FZD5: variants seen among roughly 807,000 people sequenced by gnomAD.
The protein encoded by FZD5 is frizzled class receptor 5, also known as frizzled-5.
Under a neutral mutation model 40.8 loss-of-function variants are expected in FZD5, and 12 were observed. The observed-to-expected ratio is 0.29, with a 90% CI of 0.19 to 0.48. FZD5 has a LOEUF of 0.48. Ranked by LOEUF, FZD5 falls within the 20% of genes least tolerant of loss-of-function variation. FZD5 has a pLI of 0.99. For synonymous variants in FZD5, 380 were observed against 383.7 expected (o/e 0.99, Z 0.11); for missense variants, 622 against 832.8 (o/e 0.75, Z 3.12).
In FZD5 at chr2:207,765,361, C is replaced by G. The variant is rs2091974070; in HGVS notation, c.*1621G>C. 6.6e-6 allele frequency: 1 copy of G among 152,200 alleles called. No homozygotes were observed. Among genetic ancestry groups the G allele is most frequent in the South Asian group, 2.1e-4 (1 of 4,832 alleles). 9.4% of individuals were successfully genotyped at this position (152,200 alleles called of 1,614,324 possible). A position where few individuals can be genotyped will look rare whatever the true frequency, so the allele number is the denominator to read the frequency against. On this transcript the variant is annotated 3_prime_UTR_variant, in exon 2 of 2. Coordinates refer to ENST00000295417, the MANE Select transcript of FZD5 (RefSeq NM_003468.4). ...TTTGCTGGCTGAGGCACTGTCACCC[C>G]CCTTCCCCAGTAATGGCCCCACACT...
In FZD5 at chr2:207,768,832, T is replaced by C; in HGVS notation, c.-93A>G. On this transcript the variant is annotated 5_prime_UTR_variant, in exon 2 of 2. Transcript: ENST00000295417. Reference sequence around the variant, plus strand: ...GGGCTTCTCCCTCCGGCGTCTCGTGTGTGGCGCCGGGGCTGGCAACCTGTT... The same window carrying C: ...GGGCTTCTCCCTCCGGCGTCTCGTGCGTGGCGCCGGGGCTGGCAACCTGTT... The C allele has an allele frequency of 1.9e-6, 2 of 1,065,114 alleles. No homozygotes were observed. Among genetic ancestry groups the C allele is most frequent in the Non-Finnish European group, 2.7e-6 (2 of 751,776 alleles). 66.0% of individuals were successfully genotyped at this position (1,065,114 alleles called of 1,614,324 possible). A position where few individuals can be genotyped will look rare whatever the true frequency, so the allele number is the denominator to read the frequency against.
chr2:207,768,146 G>A lies in FZD5; in HGVS notation c.594C>T (p.Pro198=), dbSNP rs2091990243. 1 of 1,610,564 alleles carries A rather than the reference G, an allele frequency of 6.2e-7. No individual in the cohort carries two copies. The highest frequency in any genetic ancestry group is 1.3e-5 in the African/African-American group (1 of 74,928). ...FVCKCREPFV[P]ILKESHPLYN... is the part of the protein sequence containing the mutation. ...AGAGCGGGTGTGACTCCTTCAGAAT[G>A]GGCACGAAGGGCTCGCGACACTTGC... The change falls in exon 2 of 2, where the codon CCC becomes CCT. Residue 198 remains proline, a synonymous_variant. Coordinates refer to ENST00000295417, the MANE Select transcript of FZD5 (RefSeq NM_003468.4).
Position 207,768,213 on chromosome 2 carries a change from G to A in FZD5, c.527C>T (p.Pro176Leu), listed in dbSNP as rs1450691257. The A allele has an allele frequency of 3.2e-6, 5 of 1,573,768 alleles. No homozygotes were observed. Among genetic ancestry groups the A allele is most frequent in the Admixed American group, 1.8e-5 (1 of 55,524 alleles). ...KPTLPGPPGA[P>L]ASGGECPAGG... Reference sequence around the variant, plus strand: ...AGCGGGGCATTCGCCCCCCGAGGCCGGCGCCCCTGGCGGGCCTGGAAGGGT... The same window carrying A: ...AGCGGGGCATTCGCCCCCCGAGGCCAGCGCCCCTGGCGGGCCTGGAAGGGT... Residue 176 changes from proline (P) to leucine (L), a missense_variant, in exon 2 of 2, where the codon CCG becomes CTG. Around this residue, in one of 4 missense-constraint regions of FZD5, gnomAD observed 116 missense variants for 117.7 expected, o/e 0.99. Transcript: ENST00000295417.
At position 207,767,068 on chromosome 2, in the gene FZD5, C is replaced by G. The variant is rs1281191669; in HGVS notation, c.1672G>C (p.Glu558Gln). 6.3e-7 allele frequency: 1 copy of G among 1,580,326 alleles called. No homozygotes were observed. Among genetic ancestry groups the G allele is most frequent in the East Asian group, 2.3e-5 (1 of 44,392 alleles). Residue 558 changes from glutamate (E) to glutamine (Q), a missense_variant, in exon 2 of 2, where the codon GAG (glutamate) becomes CAG (glutamine). This residue lies in a region of FZD5 where 154 missense variants were observed against 152.1 expected (regional missense o/e 1.01). Transcript: ENST00000295417. The part of the protein sequence containing the change: ...GGAMAAGDYP[E>Q]ASAALTGRTG... ...CTGCCTGTGAGCGCGGCGCTCGCCTCGGGGTAGTCCCCTGCGGCCATGGCG... is the reference window on the plus strand; with the variant it reads ...CTGCCTGTGAGCGCGGCGCTCGCCTGGGGGTAGTCCCCTGCGGCCATGGCG...
At position 207,767,852 on chromosome 2, in the gene FZD5, C is replaced by T. The variant is rs1226831547; in HGVS notation, c.888G>A (p.Val296=). 5.6e-6 allele frequency: 9 copies of T among 1,600,186 alleles called. No individual in the cohort carries two copies. The highest frequency in any genetic ancestry group is 6.8e-6 in the Non-Finnish European group (8 of 1,173,652). ...LVRLVVGHAS[V]ACSREHNHIH... is the part of the protein sequence containing the mutation. ...TGTGGTTGTGCTCGCGGCTGCAGGC[C>T]ACGCTGGCATGGCCCACGACCAGAC... is the stretch of plus-strand genomic sequence containing the variant. Residue 296 remains valine, a synonymous_variant, in exon 2 of 2, where the codon GTG becomes GTA. Coordinates refer to ENST00000295417, the MANE Select transcript of FZD5 (RefSeq NM_003468.4).
chr2:207,765,922 G>A lies in FZD5; in HGVS notation c.*1060C>T, dbSNP rs932615862. The stretch of plus-strand genomic sequence containing the variant: ...GGGGAGGGGGGAGGGGGGAGGGGGT[G>A]GAGCAAATAAGTGTTGGAAATTTAC... On this transcript the variant is annotated 3_prime_UTR_variant, in exon 2 of 2. Coordinates refer to ENST00000295417, the MANE Select transcript of FZD5 (RefSeq NM_003468.4). 6.6e-6 allele frequency: 1 copy of A among 151,500 alleles called. No homozygotes were observed. The highest frequency in any genetic ancestry group is 1.5e-5 in the Non-Finnish European group (1 of 67,908). The allele number at this position is 151,500 out of a possible 1,614,324, so 9.4% of individuals were successfully genotyped here.
At position 207,765,913 on chromosome 2, in the gene FZD5, G is replaced by T. The variant is rs698910; in HGVS notation, c.*1069C>A. ...ATGATAAAGGGGGAGGGGGGAGGGGGGAGGGGGTGGAGCAAATAAGTGTTG... is the reference window on the plus strand; with the variant it reads ...ATGATAAAGGGGGAGGGGGGAGGGGTGAGGGGGTGGAGCAAATAAGTGTTG... On this transcript the variant is annotated 3_prime_UTR_variant, in exon 2 of 2. Coordinates refer to ENST00000295417, the MANE Select transcript of FZD5 (RefSeq NM_003468.4). 0.76 allele frequency: 113,105 copies of T among 149,808 alleles called. 44,912 individuals are homozygous for T. The highest frequency in any genetic ancestry group is 0.88 in the Non-Finnish European group (59,445 of 67,442). The allele number at this position is 149,808 out of a possible 1,614,324, so 9.3% of individuals were successfully genotyped here.
In FZD5 at chr2:207,766,987, C is replaced by G; in HGVS notation, c.1753G>C (p.Val585Leu). 6.8e-7 allele frequency: 1 copy of G among 1,471,982 alleles called. No homozygotes were observed. Among genetic ancestry groups the G allele is most frequent in the Non-Finnish European group, 8.9e-7 (1 of 1,119,876 alleles). The allele number at this position is 1,471,982 out of a possible 1,614,324, so 91.2% of individuals were successfully genotyped here. ...TYHKQVSLSHV is the reference protein window; with the variant it reads ...TYHKQVSLSHL Reference sequence around the variant, plus strand: ...AGTCCCTCGGCGGCAGCCTCCTACACGTGCGACAGGGACACCTGCTTGTGG... The same window carrying G: ...AGTCCCTCGGCGGCAGCCTCCTACAGGTGCGACAGGGACACCTGCTTGTGG... Residue 585 changes from valine to leucine, a missense_variant, in exon 2 of 2, where the codon GTG becomes CTG. This residue lies in a region of FZD5 where 154 missense variants were observed against 152.1 expected (regional missense o/e 1.01). Coordinates refer to ENST00000295417, the MANE Select transcript of FZD5 (RefSeq NM_003468.4).
Position 207,769,823 on chromosome 2 carries a change from A to T in FZD5, c.-814T>A, listed in dbSNP as rs1007692558. On this transcript the variant is annotated 5_prime_UTR_variant, in exon 1 of 2. Transcript: ENST00000295417. ...CTCGGCTCCTCCCCCGCGCTCTCGCACCCTTTCGCCCACCTCTGGCGAGCA... is the reference window on the plus strand; with the variant it reads ...CTCGGCTCCTCCCCCGCGCTCTCGCTCCCTTTCGCCCACCTCTGGCGAGCA... Among the ~76,000 whole-genome samples, 5 of 151,810 alleles carry T rather than the reference A, an allele frequency of 3.3e-5. No individual in the cohort carries two copies. The highest frequency in any genetic ancestry group is 3.3e-4 in the Admixed American group (5 of 15,250).
At position 207,767,034 on chromosome 2, in the gene FZD5, G is replaced by T. The variant is rs749535241; in HGVS notation, c.1706C>A (p.Pro569Gln). 6.8e-7 allele frequency: 1 copy of T among 1,478,592 alleles called. No individual in the cohort carries two copies. Among genetic ancestry groups the T allele is most frequent in the East Asian group, 2.6e-5 (1 of 38,814 alleles). The allele number at this position is 1,478,592 out of a possible 1,614,324, so 91.6% of individuals were successfully genotyped here. Residue 569 changes from proline to glutamine, a missense_variant, in exon 2 of 2, where the codon CCG (proline) becomes CAG (glutamine). Pro to Gln is a moderately conservative substitution (Grantham distance 76). This residue lies in a region of FZD5 where 154 missense variants were observed against 152.1 expected (regional missense o/e 1.01). Coordinates refer to ENST00000295417, the MANE Select transcript of FZD5 (RefSeq NM_003468.4). Reference protein sequence around the residue: ...ASAALTGRTGPPGPAATYHKQ... With the variant: ...ASAALTGRTGQPGPAATYHKQ... ...GTGGTAGGTGGCGGCGGGGCCCGGC[G>T]GCCCGGTCCTGCCTGTGAGCGCGGC...
chr2:207,767,241 T>C lies in FZD5; in HGVS notation c.1499A>G (p.Tyr500Cys). The change falls in exon 2 of 2, where the codon TAC (tyrosine) becomes TGC (cysteine). Residue 500 changes from tyrosine (Y) to cysteine (C), a missense_variant. By Grantham distance (194) the Tyr-to-Cys change is radical. This residue lies in a region of FZD5 where 154 missense variants were observed against 152.1 expected (regional missense o/e 1.01). Transcript: ENST00000295417. ...GAAGTACTTGAGCATGAGCACCCAG[T>C]ACTCGGGCTTGGCGCGCGGCTGGCC... is the stretch of plus-strand genomic sequence containing the variant. ...DTGQPRAKPE[Y>C]WVLMLKYFMC... The C allele has an allele frequency of 2.5e-6, 4 of 1,610,492 alleles. No homozygotes were observed. Among genetic ancestry groups the C allele is most frequent in the Non-Finnish European group, 3.4e-6 (4 of 1,178,848 alleles).
At position 207,768,998 on chromosome 2, in the gene FZD5, TAAA is replaced by T; in HGVS notation, c.-255-7_-255-5del. ...CTCGGATTCCAGGGAAAGGACTCTT[TAAA>T]AAAGAAGGGGGAGAAGAAAGATTGC... On this transcript the variant is annotated splice_polypyrimidine_tract_variant and splice_region_variant and intron_variant, in intron 1 of 1. Coordinates refer to ENST00000295417, the MANE Select transcript of FZD5 (RefSeq NM_003468.4). The T allele has an allele frequency of 1.9e-6, 1 of 523,332 alleles. No homozygotes were observed. Among genetic ancestry groups the T allele is most frequent in the Middle Eastern group, 5.1e-4 (1 of 1,948 alleles). 32.4% of individuals were successfully genotyped at this position (523,332 alleles called of 1,614,324 possible). A position where few individuals can be genotyped will look rare whatever the true frequency, so the allele number is the denominator to read the frequency against.
chr2:207,768,902 T>G lies in FZD5; in HGVS notation c.-163A>C. 1.6e-6 allele frequency: 1 copy of G among 627,778 alleles called. No homozygotes were observed. The highest frequency in any genetic ancestry group is 2.9e-5 in the East Asian group (1 of 34,008). 38.9% of individuals were successfully genotyped at this position (627,778 alleles called of 1,614,324 possible). On this transcript the variant is annotated 5_prime_UTR_variant, in exon 2 of 2. Transcript: ENST00000295417. ...GAAAACCGTCCAAAGATAAACTGCTTCGGGAAGGCGCTGCCTCCGCTGGCA... is the reference window on the plus strand; with the variant it reads ...GAAAACCGTCCAAAGATAAACTGCTGCGGGAAGGCGCTGCCTCCGCTGGCA...
rs1183889068 is a variant in FZD5 at position 207,769,885 on chromosome 2, G to C, written c.-876C>G. Among the ~76,000 whole-genome samples the C allele has an allele frequency of 1.3e-5, 2 of 152,108 alleles. No individual in the cohort carries two copies. Among genetic ancestry groups the C allele is most frequent in the Non-Finnish European group, 2.9e-5 (2 of 67,956 alleles). The stretch of plus-strand genomic sequence containing the variant: ...GCGGCGGCGACCACAGCGGACTCAC[G>C]GCCGCAGGCTGGCTGCCCTCTCCCG... On this transcript the variant is annotated 5_prime_UTR_variant, in exon 1 of 2. Coordinates refer to ENST00000295417, the MANE Select transcript of FZD5 (RefSeq NM_003468.4).
Position 207,768,779 on chromosome 2 carries a change from A to T in FZD5, c.-40T>A. On this transcript the variant is annotated 5_prime_UTR_variant, in exon 2 of 2. Coordinates refer to ENST00000295417, the MANE Select transcript of FZD5 (RefSeq NM_003468.4). Reference sequence around the variant, plus strand: ...CCTCGCCTCCAGCAGCCCGCGAGGGACGCACACAGGCAGAGGAATCCGGGC... The same window carrying T: ...CCTCGCCTCCAGCAGCCCGCGAGGGTCGCACACAGGCAGAGGAATCCGGGC... 1 of 1,454,548 alleles carries T rather than the reference A, an allele frequency of 6.9e-7. No individual in the cohort carries two copies. The highest frequency in any genetic ancestry group is 1.4e-5 in the South Asian group (1 of 73,962). 90.1% of individuals were successfully genotyped at this position (1,454,548 alleles called of 1,614,324 possible). A position where few individuals can be genotyped will look rare whatever the true frequency, so the allele number is the denominator to read the frequency against.
chr2:207,768,726 T>G lies in FZD5; in HGVS notation c.14A>C (p.Asp5Ala), dbSNP rs1204255547. Residue 5 changes from aspartate (D) to alanine (A), a missense_variant, in exon 2 of 2, where the codon GAC becomes GCC. Transcript: ENST00000295417. MARP[D>A]PSAPPSLLLL... ...CAACAGCGAGGGCGGCGCGGATGGG[T>G]CAGGCCGAGCCATCGCCCCCTCCCT... 7 of 1,578,498 alleles carry G rather than the reference T, an allele frequency of 4.4e-6. No homozygotes were observed. In the South Asian group the frequency reaches 6.9e-5, roughly 16 times the overall value.
At position 207,767,420 on chromosome 2, in the gene FZD5, C is replaced by G. The variant is rs2091985471; in HGVS notation, c.1320G>C (p.Thr440=). 1 of 1,612,706 alleles carries G rather than the reference C, an allele frequency of 6.2e-7. No homozygotes were observed. Among genetic ancestry groups the G allele is most frequent in the Non-Finnish European group, 8.5e-7 (1 of 1,179,958 alleles). ...GGATCATGAGCTTCTCCAGCTTGTC[C>G]GTCTTGGTGCCGCCCTGCTTGATGA... The part of the protein sequence containing the change: ...RSVIKQGGTK[T]DKLEKLMIRI... The change falls in exon 2 of 2, where the codon ACG becomes ACC. Residue 440 remains threonine (T), a synonymous_variant. Transcript: ENST00000295417.
In FZD5 at chr2:207,765,509, A is replaced by T. The variant is rs1380545998; in HGVS notation, c.*1473T>A. 6.6e-6 allele frequency: 1 copy of T among 152,286 alleles called. No homozygotes were observed. Among genetic ancestry groups the T allele is most frequent in the Non-Finnish European group, 1.5e-5 (1 of 68,048 alleles). The allele number at this position is 152,286 out of a possible 1,614,324, so 9.4% of individuals were successfully genotyped here. On this transcript the variant is annotated 3_prime_UTR_variant, in exon 2 of 2. Transcript: ENST00000295417. ...AATGAATGAAGGAATAGTTAAACAG[A>T]TTAGTAAAGCAAACCAAATTCTCTA...
In FZD5 at chr2:207,765,674, C is replaced by T. The variant is rs892443116; in HGVS notation, c.*1308G>A. ...TATGCATCTCTTTTGTTTTCAGAGA[C>T]GGCAGAGAGCAACGTCTTGCTGCTC... On this transcript the variant is annotated 3_prime_UTR_variant, in exon 2 of 2. Transcript: ENST00000295417. 6.6e-5 allele frequency: 10 copies of T among 152,524 alleles called. No homozygotes were observed. Among genetic ancestry groups the T allele is most frequent in the East Asian group, 1.9e-4 (1 of 5,190 alleles). The allele number at this position is 152,524 out of a possible 1,614,324, so 9.4% of individuals were successfully genotyped here. A position where few individuals can be genotyped will look rare whatever the true frequency, so the allele number is the denominator to read the frequency against.
Sources: gnomAD v4.1 joint callset for allele counts (sites outside exome capture counted in the v4.1 genomes callset) on GRCh38, gnomAD v4.1.1 for gene constraint, gnomAD v4.1.1 regional missense constraint, MANE v1.5 for transcripts, NCBI Gene and HGNC (gene_info 2026-07-23, HGNC 2026-07-21) for gene names.